C11orf42: variants seen among roughly 807,000 people sequenced by gnomAD.
The protein encoded by C11orf42 is uncharacterized protein C11orf42.
C11orf42 carries 24 observed loss-of-function variants against 27.9 expected under a neutral mutation model. The ratio of observed to expected loss-of-function variants is 0.86; its 90% confidence interval spans 0.62 to 1.21. C11orf42 has a LOEUF of 1.21. Among genes scored for constraint, C11orf42 ranks in the 50% most tolerant of loss-of-function variants. C11orf42 has a pLI of 0.00. For synonymous variants in C11orf42, 187 were observed against 180.8 expected (o/e 1.03, Z -0.28); for missense variants, 455 against 424.1 (o/e 1.07, Z -0.64).
chr11:6,210,687 G>A lies in C11orf42; in HGVS notation c.871+39G>A. On this transcript the variant is annotated intron_variant, in intron 2 of 2. Coordinates refer to ENST00000316375, the MANE Select transcript of C11orf42 (RefSeq NM_173525.3). This position sits in a 1 kb window ranked among gnomAD's most constrained non-coding sequence, Gnocchi z 4.0. ...AAATGATGATGAGATGGATGGGAGG[G>A]ACAAAGTGAAGGAGGGAGAAGGCAT... 1 of 1,595,828 alleles carries A rather than the reference G, an allele frequency of 6.3e-7. No homozygotes were observed. The highest frequency in any genetic ancestry group is 1.1e-5 in the South Asian group (1 of 89,924).
In C11orf42 at chr11:6,210,809, G is replaced by C; in HGVS notation, c.872-103G>C. The C allele has an allele frequency of 7.0e-7, 1 of 1,419,074 alleles. No individual in the cohort carries two copies. The highest frequency in any genetic ancestry group is 9.5e-7 in the Non-Finnish European group (1 of 1,057,898). The allele number at this position is 1,419,074 out of a possible 1,614,324, so 87.9% of individuals were successfully genotyped here. On this transcript the variant is annotated intron_variant, in intron 2 of 2. Coordinates refer to ENST00000316375, the MANE Select transcript of C11orf42 (RefSeq NM_173525.3). This position sits in a 1 kb window ranked among gnomAD's most constrained non-coding sequence, Gnocchi z 4.0. ...GGGGAGGGTGAGATGGAATGAGGAG[G>C]CCCTAGGAAGGGGATTGGGATGGCA...
At chr11:6,207,436 TAG>T (rs368473987) in intron 1 of C11orf42, among the ~76,000 whole-genome samples, 11 of 152,352 alleles carry the variant, frequency 7.2e-5, no homozygotes, top group African/African-American at 2.6e-4. Flanking sequence ...GGGCCTCTTC[TAG>T]AGACACTCCC....
rs754184602 is a variant in C11orf42, at chr11:6,210,503, T to C, written c.726T>C (p.Pro242=). 1 of 1,613,736 alleles carries C rather than the reference T, an allele frequency of 6.2e-7. No homozygotes were observed. Residue 242 remains proline, a synonymous_variant, in exon 2 of 3, where the codon CCT becomes CCC. Transcript: ENST00000316375. The surrounding 1 kb of genome is among the most constrained non-coding windows in gnomAD (Gnocchi z 4.0). ...CGCCTCTGGCCCCCACATCAGCACCTGCTGATACAACTGAAGCTGCTGATG... is the reference window on the plus strand; with the variant it reads ...CGCCTCTGGCCCCCACATCAGCACCCGCTGATACAACTGAAGCTGCTGATG... ...IMPPLAPTSA[P]ADTTEAADVP... is the part of the protein sequence containing the mutation.
Position 6,210,020 on chromosome 11 carries a change from A to G in C11orf42, c.243A>G (p.Pro81=), listed in dbSNP as rs1299097362. ...CACTGAAACCAGTGGGGCCACTACC[A>G]AGCCTCCTGGAGCAGGCAGGATCTG... ...RRALKPVGPL[P]SLLEQAGSEG... The change falls in exon 2 of 3, where the codon CCA becomes CCG. Residue 81 remains proline, a synonymous_variant. Coordinates refer to ENST00000316375, the MANE Select transcript of C11orf42 (RefSeq NM_173525.3). The surrounding 1 kb of genome is among the most constrained non-coding windows in gnomAD (Gnocchi z 4.0). 2 of 1,614,186 alleles carry G rather than the reference A, an allele frequency of 1.2e-6. No homozygotes were observed.
Position 6,205,610 on chromosome 11 carries a change from C to G in C11orf42, c.-6C>G. ...CTGCCCTGCCCAATCCCTCCCATAC[C>G]CCACCATGTTGGTGGGTACCCCCAA... On this transcript the variant is annotated 5_prime_UTR_variant, in exon 1 of 3. Coordinates refer to ENST00000316375, the MANE Select transcript of C11orf42 (RefSeq NM_173525.3). The G allele has an allele frequency of 1.2e-6, 2 of 1,613,066 alleles. No individual in the cohort carries two copies. Among genetic ancestry groups the G allele is most frequent in the Non-Finnish European group, 1.7e-6 (2 of 1,179,258 alleles).
In C11orf42 at chr11:6,210,868, A is replaced by T; in HGVS notation, c.872-44A>T. 2.7e-5 allele frequency: 42 copies of T among 1,542,854 alleles called. No individual in the cohort carries two copies. The highest frequency in any genetic ancestry group is 3.5e-5 in the Non-Finnish European group (40 of 1,147,864). ...CAGAGGGAAAAGCTAGGGGGGGAAA[A>T]GACCAGCCATGAGTCAAGCTGTGAC... On this transcript the variant is annotated intron_variant, in intron 2 of 2. Transcript: ENST00000316375. This position sits in a 1 kb window ranked among gnomAD's most constrained non-coding sequence, Gnocchi z 4.0.
At chr11:6,207,891 A>G (rs1470449568) in intron 1 of C11orf42, among the ~76,000 whole-genome samples, 3 of 152,194 alleles carry the variant, frequency 2.0e-5, no homozygotes, top group Non-Finnish European at 2.9e-5. Context: ...CAGAAGGCCA[A>G]CAAAGAGGGC....
chr11:6,205,958 A>T (rs1221532762), intron 1 of C11orf42, among the ~76,000 whole-genome samples: 1 of 152,190 alleles, frequency 6.6e-6, no homozygotes, highest in Non-Finnish European at 1.5e-5. Context: ...GGGGTGAGAC[A>T]GGAGATCAGG....
At chr11:6,207,063 C>T (rs1198016345) in intron 1 of C11orf42, among the ~76,000 whole-genome samples, 1 of 152,136 alleles carries the variant, frequency 6.6e-6, no homozygotes, top group Non-Finnish European at 1.5e-5. Flanking sequence ...TCTAGGAAAA[C>T]AATATTCCAC....
chr11:6,211,123 C>T lies in C11orf42; in HGVS notation c.*81C>T. On this transcript the variant is annotated 3_prime_UTR_variant, in exon 3 of 3. Transcript: ENST00000316375. ...GGTCTCTAATAAACATCAGCTGCTG[C>T]TCCCCCAAACCATCCTGGGCCCATG... 2 of 1,553,410 alleles carry T rather than the reference C, an allele frequency of 1.3e-6. No homozygotes were observed. Among genetic ancestry groups the T allele is most frequent in the Non-Finnish European group, 1.7e-6 (2 of 1,148,562 alleles).
chr11:6,208,303 C>T (rs1034106146), intron 1 of C11orf42, among the ~76,000 whole-genome samples: 4 of 152,038 alleles, frequency 2.6e-5, no homozygotes, highest in African/African-American at 9.7e-5. Context: ...CAAGAACTAC[C>T]CCTTGCAGCT....
Position 6,210,699 on chromosome 11 carries a change from G to A in C11orf42, c.871+51G>A, listed in dbSNP as rs763494866. 4.5e-5 allele frequency: 70 copies of A among 1,572,890 alleles called. No homozygotes were observed. The highest frequency in any genetic ancestry group is 1.5e-4 in the South Asian group (13 of 88,388). On this transcript the variant is annotated intron_variant, in intron 2 of 2. Coordinates refer to ENST00000316375, the MANE Select transcript of C11orf42 (RefSeq NM_173525.3). The surrounding 1 kb of genome is among the most constrained non-coding windows in gnomAD (Gnocchi z 4.0). ...GATGGATGGGAGGGACAAAGTGAAG[G>A]AGGGAGAAGGCATGAGAATTAAGTA...
At chr11:6,207,971 A>G (rs920467512) in intron 1 of C11orf42, among the ~76,000 whole-genome samples, 4 of 152,174 alleles carry the variant, frequency 2.6e-5, no homozygotes, top group Non-Finnish European at 4.4e-5. Context: ...ACAGCACTGT[A>G]AGCACTGGGC....
At chr11:6,208,393 AT>A (rs1379360807) in intron 1 of C11orf42, among the ~76,000 whole-genome samples, 1 of 152,188 alleles carries the variant, frequency 6.6e-6, no homozygotes, top group Non-Finnish European at 1.5e-5. Context: ...GTAACCTACT[AT>A]TGATTAAAGA....
At chr11:6,206,294 G>C (rs1011385724) in intron 1 of C11orf42, among the ~76,000 whole-genome samples, 18 of 152,126 alleles carry the variant, frequency 1.2e-4, no homozygotes, top group African/African-American at 4.3e-4. Context: ...TATAGAATCT[G>C]AACTTTATCT....
intron 1 of C11orf42, 55 bp downstream of exon 1, chr11:6,205,742 C>A: frequency 1.4e-6 from 2 of 1,432,136 alleles, no homozygotes; most frequent in South Asian, 1.2e-5. Flanking sequence ...CTGCATGGGT[C>A]TCAGCAGCTT....
chr11:6,210,342 C>A lies in C11orf42; in HGVS notation c.565C>A (p.Arg189=). The change falls in exon 2 of 3, where the codon CGG becomes AGG. Residue 189 remains arginine (R), a synonymous_variant. Coordinates refer to ENST00000316375, the MANE Select transcript of C11orf42 (RefSeq NM_173525.3). This position sits in a 1 kb window ranked among gnomAD's most constrained non-coding sequence, Gnocchi z 4.0. ...AREPQLLRLL[R]SLPVAFSCLK... ...TGAGCCCCAGCTCCTCCGGCTACTT[C>A]GGTCATTACCTGTTGCCTTCTCCTG... is the stretch of plus-strand genomic sequence containing the variant. 1 of 1,614,204 alleles carries A rather than the reference C, an allele frequency of 6.2e-7. No individual in the cohort carries two copies. The highest frequency in any genetic ancestry group is 8.5e-7 in the Non-Finnish European group (1 of 1,180,038).
intron 1 of C11orf42, 121 bp downstream of exon 1, chr11:6,205,808 G>A: frequency 1.4e-6 from 1 of 730,230 alleles, no homozygotes. Flanking sequence ...TTTACTCACT[G>A]CTTCCATATG....
rs1024593342 is a variant in C11orf42 at position 6,209,933 on chromosome 11, G to A, written c.156G>A (p.Leu52=). The A allele has an allele frequency of 6.2e-7, 1 of 1,610,648 alleles. No homozygotes were observed. The highest frequency in any genetic ancestry group is 1.1e-5 in the South Asian group (1 of 91,062). The part of the protein sequence containing the change: ...DAACYDLLGV[L]VKQSRPAHTR... ...CCTGCTATGACCTACTGGGTGTGCTGGTAAAACAGTCCCGCCCAGCCCATA... is the reference window on the plus strand; with the variant it reads ...CCTGCTATGACCTACTGGGTGTGCTAGTAAAACAGTCCCGCCCAGCCCATA... The change falls in exon 2 of 3, where the codon CTG becomes CTA. Residue 52 remains leucine (L), a synonymous_variant. Coordinates refer to ENST00000316375, the MANE Select transcript of C11orf42 (RefSeq NM_173525.3).
Sources: gnomAD v4.1 joint callset for allele counts (sites outside exome capture counted in the v4.1 genomes callset) on GRCh38, gnomAD v4.1.1 for gene constraint, Gnocchi (gnomAD v3.1) non-coding constraint, MANE v1.5 for transcripts, NCBI Gene and HGNC (gene_info 2026-07-23, HGNC 2026-07-21) for gene names.